Variants in EYA2 observed in about 807,000 individuals in gnomAD.
EYA2 encodes protein phosphatase EYA2.
A neutral mutation model predicts 69.2 loss-of-function variants in EYA2; 31 were observed. That is an observed-to-expected ratio of 0.45 (90% CI 0.34 to 0.60). The LOEUF is 0.60. EYA2 is among the 20% of genes least tolerant of loss of function. EYA2 has a pLI of 0.02. For synonymous variants in EYA2, 257 were observed against 279.4 expected (o/e 0.92, Z 0.80); for missense variants, 622 against 701.2 (o/e 0.89, Z 1.28).
chr20:47,117,334 C>G, intron 9 of EYA2: 1 of 981,980 alleles, frequency 1.0e-6, no homozygotes, highest in East Asian at 1.1e-4. Flanking sequence ...AACTCCATCC[C>G]CAGGCCATCC....
chr20:46,908,438 G>T (rs186785345), intron 1 of EYA2, among the ~76,000 whole-genome samples: 1 of 152,324 alleles, frequency 6.6e-6, no homozygotes, highest in African/African-American at 2.4e-5. Context: ...AACAAGGAGG[G>T]CAGGGAAGAT....
intron 5 of EYA2, among the ~76,000 whole-genome samples, chr20:47,048,244 G>T (rs903163608): frequency 5.9e-5 from 9 of 152,256 alleles, no homozygotes; most frequent in Non-Finnish European, 1.3e-4. Flanking sequence ...GTATTAAGGA[G>T]ACCTCAGGGA....
At chr20:46,943,543 C>G (rs564951917) in intron 1 of EYA2, among the ~76,000 whole-genome samples, 1 of 152,180 alleles carries the variant, frequency 6.6e-6, no homozygotes, top group Non-Finnish European at 1.5e-5. Flanking sequence ...AATATCATAG[C>G]AAGGGAACAT....
At chr20:47,016,417 G>A (rs558731661) in intron 5 of EYA2, 120 bp downstream of exon 5, 66 of 722,936 alleles carry the variant, frequency 9.1e-5, no homozygotes, top group Admixed American at 6.1e-4. Flanking sequence ...GCTCTATCTC[G>A]AGGAGTGGAG....
At chr20:47,124,470 A>G (rs763917224) in intron 9 of EYA2, among the ~76,000 whole-genome samples, 6 of 152,202 alleles carry the variant, frequency 3.9e-5, no homozygotes, top group African/African-American at 7.2e-5. Flanking sequence ...GACGACTACT[A>G]ATAATAAGCA....
At chr20:46,948,478 T>G (rs1280310013) in intron 1 of EYA2, among the ~76,000 whole-genome samples, 1 of 152,158 alleles carries the variant, frequency 6.6e-6, no homozygotes, top group East Asian at 1.9e-4. Flanking sequence ...TGGGTGAGAC[T>G]CTATAGTTTG....
intron 1 of EYA2, among the ~76,000 whole-genome samples, chr20:46,921,485 C>T (rs1191756738): frequency 2.0e-5 from 3 of 152,186 alleles, no homozygotes; most frequent in South Asian, 4.1e-4. Flanking sequence ...CAGGCCATTA[C>T]CCCACTCTCC....
intron 6 of EYA2, among the ~76,000 whole-genome samples, chr20:47,072,566 T>C (rs2031354465): frequency 6.6e-6 from 1 of 152,200 alleles, no homozygotes; most frequent in Non-Finnish European, 1.5e-5. Context: ...ATGGGTGGGT[T>C]CTTTCACCAG....
At chr20:47,167,969 G>GCAGCCCTGCTTTCCTCAGCAGCTCC (rs2034239226) in intron 10 of EYA2, among the ~76,000 whole-genome samples, 1 of 152,046 alleles carries the variant, frequency 6.6e-6, no homozygotes, top group Non-Finnish European at 1.5e-5. Flanking sequence ...TCTCCAGCTC[G>GCAGCCCTGCTTTCCTCAGCAGCTCC]CAGCCCTGCT....
intron 1 of EYA2, among the ~76,000 whole-genome samples, chr20:46,895,620 G>A (rs564907287): frequency 3.3e-5 from 5 of 152,338 alleles, no homozygotes; most frequent in South Asian, 4.1e-4. Context: ...GTTTACATCC[G>A]AAGGGTGTTT....
chr20:47,118,442 G>T lies in EYA2; in HGVS notation c.888+21274G>T, dbSNP rs138426284. On this transcript the variant is annotated intron_variant, in intron 9 of 15. Coordinates refer to ENST00000327619, the MANE Select transcript of EYA2 (RefSeq NM_005244.5). ...AAACATCTGCAGTTGTCATTTTGGC[G>T]GGGGTGGGTGAGGAAGAAGTTGGAA... Among the ~76,000 whole-genome samples the T allele has an allele frequency of 3.9e-4, 60 of 152,208 alleles. No individual in the cohort carries two copies. The East Asian group carries it at 5.4e-3, about 14-fold the overall frequency.
At chr20:47,116,840 C>T (rs2032908003) in intron 9 of EYA2, among the ~76,000 whole-genome samples, 1 of 152,198 alleles carries the variant, frequency 6.6e-6, no homozygotes, top group African/African-American at 2.4e-5. Flanking sequence ...GCTGGGACTC[C>T]ATGATTGCTG....
chr20:46,903,000 G>T (rs757607627), intron 1 of EYA2, among the ~76,000 whole-genome samples: 2 of 152,188 alleles, frequency 1.3e-5, no homozygotes, highest in Non-Finnish European at 2.9e-5. Context: ...CCATTTCAAT[G>T]ATTTATTATT....
At chr20:47,018,739 C>A (rs1983566368) in intron 5 of EYA2, among the ~76,000 whole-genome samples, 1 of 152,244 alleles carries the variant, frequency 6.6e-6, no homozygotes, top group African/African-American at 2.4e-5. Flanking sequence ...CTTCTTACAG[C>A]AACCGCGTGA....
At chr20:47,153,024 A>G (rs893542426) in intron 10 of EYA2, among the ~76,000 whole-genome samples, 1 of 151,778 alleles carries the variant, frequency 6.6e-6, no homozygotes, top group Non-Finnish European at 1.5e-5. Context: ...CCGGGCCAGC[A>G]ATACCACTCA....
intron 14 of EYA2, among the ~76,000 whole-genome samples, chr20:47,181,542 A>T (rs966991144): frequency 5.9e-5 from 9 of 152,114 alleles, no homozygotes; most frequent in African/African-American, 2.2e-4. Flanking sequence ...AGTGATTCAT[A>T]CTGTCACTCA....
intron 12 of EYA2, among the ~76,000 whole-genome samples, chr20:47,179,036 G>A (rs973084037): frequency 3.9e-5 from 6 of 151,932 alleles, no homozygotes; most frequent in African/African-American, 1.5e-4. Flanking sequence ...GCAGAGCCCT[G>A]CACATAAGCA....
intron 1 of EYA2, among the ~76,000 whole-genome samples, chr20:46,984,311 A>G (rs1981034554): frequency 6.6e-6 from 1 of 152,162 alleles, no homozygotes; most frequent in African/African-American, 2.4e-5. Context: ...AGACTAAGAG[A>G]AGAAATTTAC....
At chr20:47,073,231 G>A (rs1030382408) in intron 6 of EYA2, among the ~76,000 whole-genome samples, 1 of 152,190 alleles carries the variant, frequency 6.6e-6, no homozygotes, top group Non-Finnish European at 1.5e-5. Context: ...CACTGGTTTG[G>A]TGATAGTGCG....
Sources: allele counts gnomAD v4.1 joint callset (sites outside exome capture counted in the v4.1 genomes callset), GRCh38; gene constraint gnomAD v4.1.1; transcripts MANE v1.5; gene names NCBI Gene and HGNC (gene_info 2026-07-23, HGNC 2026-07-21).